GLIS3: variants seen among roughly 807,000 people sequenced by gnomAD.
GLIS3 encodes GLIS family zinc finger 3, also known as zinc finger protein GLIS3.
Under a neutral mutation model 78.6 loss-of-function variants are expected in GLIS3, and 53 were observed. The observed-to-expected ratio is 0.67, with a 90% CI of 0.54 to 0.85. The LOEUF is 0.85. GLIS3 is among the 40% of genes least tolerant of loss of function. GLIS3 has a pLI of 0.00. For synonymous variants in GLIS3, 684 were observed against 509.9 expected, an observed-to-expected ratio of 1.34 and a Z score of -4.60; for missense variants, 1,703 against 1,231.1, an observed-to-expected ratio of 1.38 and a Z score of -5.74.
Position 3,941,353 on chromosome 9 carries a change from T to TTTTA in GLIS3, c.1711-4168_1711-4165dup, listed in dbSNP as rs369316857. On this transcript the variant is annotated intron_variant, in intron 4 of 10. Transcript: ENST00000381971. ...GACTCTTTAAATTCCCAACTTTTTA[T>TTTTA]TTTATTTATTTATTTATTTATTTTA... 5.2e-3 allele frequency among the ~76,000 whole-genome samples: 783 copies of TTTTA among 151,856 alleles called. 3 individuals are homozygous for TTTTA. Among genetic ancestry groups the TTTTA allele is most frequent in the African/African-American group, 0.017 (712 of 41,386 alleles).
At chr9:4,101,020 T>C (rs1280350474) in intron 4 of GLIS3, among the ~76,000 whole-genome samples, 2 of 152,076 alleles carry the variant, frequency 1.3e-5, no homozygotes. Context: ...CAGCAGAGTA[T>C]GAAATGAAGG....
the GLIS3 span, among the ~76,000 whole-genome samples, chr9:4,411,115 A>G: frequency 2.0e-5 from 3 of 152,248 alleles, no homozygotes; most frequent in Non-Finnish European, 2.9e-5. Flanking sequence ...AGATGAAGCC[A>G]TATTGTCAAA....
intron 8 of GLIS3, among the ~76,000 whole-genome samples, chr9:3,871,682 C>A (rs568669668): frequency 6.6e-6 from 1 of 152,176 alleles, no homozygotes; most frequent in Non-Finnish European, 1.5e-5. Context: ...AGTCCCTAGG[C>A]TGCACACAGC....
chr9:3,925,807 T>G (rs1245687368), intron 6 of GLIS3, among the ~76,000 whole-genome samples: 1 of 152,242 alleles, frequency 6.6e-6, no homozygotes, highest in African/African-American at 2.4e-5. Flanking sequence ...GTGTTTGAGA[T>G]CTTTATTTAG....
chr9:4,125,177 T>C (rs1167809828), intron 3 of GLIS3, among the ~76,000 whole-genome samples: 3 of 152,218 alleles, frequency 2.0e-5, no homozygotes, highest in Non-Finnish European at 2.9e-5. Flanking sequence ...AGACACATCA[T>C]AAAGTCTTAA....
the GLIS3 span, among the ~76,000 whole-genome samples, chr9:4,433,268 C>A: frequency 6.6e-6 from 1 of 152,034 alleles, no homozygotes; most frequent in Non-Finnish European, 1.5e-5. Flanking sequence ...CCTGTCTCTA[C>A]TAAAAATACA....
chr9:4,289,739 G>A (rs558842532), intron 1 of GLIS3, among the ~76,000 whole-genome samples: 1 of 152,212 alleles, frequency 6.6e-6, no homozygotes, highest in East Asian at 1.9e-4. Context: ...ATCTGACATT[G>A]TGGCATAGCT....
the GLIS3 span, among the ~76,000 whole-genome samples, chr9:4,416,726 G>A: frequency 6.6e-6 from 1 of 151,008 alleles, no homozygotes; most frequent in Non-Finnish European, 1.5e-5. Flanking sequence ...TTCTTATTAA[G>A]GTTGACAGAC....
intron 4 of GLIS3, among the ~76,000 whole-genome samples, chr9:4,080,419 A>G (rs1337448967): frequency 6.6e-6 from 1 of 152,208 alleles, no homozygotes; most frequent in Non-Finnish European, 1.5e-5. Context: ...ATTTAAAATA[A>G]TCAACATTAG....
At chr9:3,990,726 T>A (rs573952266) in intron 4 of GLIS3, among the ~76,000 whole-genome samples, 4 of 152,208 alleles carry the variant, frequency 2.6e-5, no homozygotes, top group African/African-American at 9.6e-5. Flanking sequence ...TAACCTGAAA[T>A]TGTGCAGTCA....
intron 8 of GLIS3, among the ~76,000 whole-genome samples, chr9:3,856,588 T>C (rs1188725541): frequency 6.6e-6 from 1 of 152,234 alleles, no homozygotes; most frequent in Non-Finnish European, 1.5e-5. Context: ...CATTTACACT[T>C]AGCTCACAAA....
At chr9:4,347,619 T>G (rs1307013735) in intron 1 of GLIS3, among the ~76,000 whole-genome samples, 1 of 152,214 alleles carries the variant, frequency 6.6e-6, no homozygotes, top group African/African-American at 2.4e-5. Flanking sequence ...TTGACTCACA[T>G]AACTCACTAA....
chr9:4,325,752 T>C (rs954293511), intron 2 of GLIS3, among the ~76,000 whole-genome samples: 1 of 152,196 alleles, frequency 6.6e-6, no homozygotes, highest in Non-Finnish European at 1.5e-5. Flanking sequence ...ATCTTGTTCA[T>C]GATGTGAAGC....
At chr9:4,265,817 A>G (rs1308455179) in intron 2 of GLIS3, among the ~76,000 whole-genome samples, 2 of 152,206 alleles carry the variant, frequency 1.3e-5, no homozygotes, top group African/African-American at 4.8e-5. Flanking sequence ...ATAAATTTAA[A>G]CAAGAACTAC....
intron 1 of GLIS3, among the ~76,000 whole-genome samples, chr9:4,290,919 C>G (rs1428897507): frequency 6.6e-6 from 1 of 152,054 alleles, no homozygotes; most frequent in African/African-American, 2.4e-5. Flanking sequence ...CTGGAGGATA[C>G]TATATTATGA....
intron 4 of GLIS3, among the ~76,000 whole-genome samples, chr9:4,029,185 C>A (rs1019689793): frequency 6.6e-6 from 1 of 151,762 alleles, no homozygotes; most frequent in African/African-American, 2.4e-5. Flanking sequence ...CCTGTGAAAC[C>A]CTTGGAATCC....
At chr9:4,396,350 G>A in the GLIS3 span, among the ~76,000 whole-genome samples, 4 of 151,894 alleles carry the variant, frequency 2.6e-5, no homozygotes, top group Non-Finnish European at 5.9e-5. Flanking sequence ...GGCTGATCTC[G>A]AACTCCTGAC....
chr9:4,456,326 G>A, the GLIS3 span, among the ~76,000 whole-genome samples: 1 of 152,154 alleles, frequency 6.6e-6, no homozygotes, highest in East Asian at 1.9e-4. Flanking sequence ...TGAATGTTGG[G>A]GTGGCTGTGG....
At chr9:4,071,458 G>A (rs1827604691) in intron 4 of GLIS3, 1 of 152,086 alleles carries the variant, frequency 6.6e-6, no homozygotes, top group South Asian at 2.1e-4. Flanking sequence ...GAGATATGAT[G>A]GGGTTAGATT....
Sources: allele counts gnomAD v4.1 joint callset (sites outside exome capture counted in the v4.1 genomes callset), GRCh38; gene constraint gnomAD v4.1.1; transcripts MANE v1.5; gene names NCBI Gene and HGNC (gene_info 2026-07-23, HGNC 2026-07-21).